Variants in LRP5 observed in about 807,000 individuals in gnomAD.
LRP5 encodes low-density lipoprotein receptor-related protein 5.
Under a neutral mutation model 154.1 loss-of-function variants are expected in LRP5, and 62 were observed. The observed-to-expected ratio is 0.40, with a 90% CI of 0.33 to 0.50. The LOEUF (loss-of-function observed/expected upper bound fraction) is 0.50. Among genes scored for constraint, LRP5 ranks in the 20% least tolerant of loss-of-function variants. The probability of loss-of-function intolerance (pLI) is 0.55; values close to 1 mark genes in which losing one functional copy is unlikely to be tolerated. For synonymous variants in LRP5, 966 were observed against 1,011.5 expected (o/e 0.96, Z 0.85); for missense variants, 1,915 against 2,336.7 (o/e 0.82, Z 3.72).
At position 68,413,821 on chromosome 11, in the gene LRP5, G is replaced by A. The variant is rs1565091876; in HGVS notation, c.2636G>A (p.Arg879His). Residue 879 changes from arginine (R) to histidine (H), a missense_variant, in exon 12 of 23, where the codon CGC becomes CAC. By Grantham distance (29) the Arg-to-His change is conservative. Coordinates refer to ENST00000294304, the MANE Select transcript of LRP5 (RefSeq NM_002335.4). The surrounding 1 kb of genome is among the most constrained non-coding windows in gnomAD (Gnocchi z 5.1). The stretch of plus-strand genomic sequence containing the variant: ...GCCGACAAGACTAGCGGCCGGAACC[G>A]CACCCTCATCCAGGGCCACCTGGAC... ...ERADKTSGRN[R>H]TLIQGHLDFV... 1.9e-6 allele frequency: 3 copies of A among 1,613,626 alleles called. No homozygotes were observed. The highest frequency in any genetic ancestry group is 2.2e-5 in the East Asian group (1 of 44,884).
intron 5 of LRP5, among the ~76,000 whole-genome samples, chr11:68,369,890 C>T (rs1400051398): frequency 2.0e-5 from 3 of 152,140 alleles, no homozygotes; most frequent in African/African-American, 4.8e-5. Flanking sequence ...GTGACGGAGC[C>T]GTGCTGGGTG....
intron 14 of LRP5, among the ~76,000 whole-genome samples, chr11:68,424,848 C>T (rs997197996): frequency 1.3e-5 from 2 of 152,250 alleles, no homozygotes; most frequent in Non-Finnish European, 2.9e-5. Flanking sequence ...GGCCTACCCT[C>T]ACCCATTGTG....
chr11:68,448,881 C>T lies in LRP5; in HGVS notation c.4659C>T (p.Ser1553=), dbSNP rs112415702. 1.6e-5 allele frequency: 26 copies of T among 1,613,022 alleles called. No individual in the cohort carries two copies. Among genetic ancestry groups the T allele is most frequent in the Admixed American group, 3.3e-5 (2 of 59,996 alleles). ...CSTDVCDSDY[S]ASRWKASKYY... is the part of the protein sequence containing the mutation. ...CCGACGTGTGTGACAGCGACTACAG[C>T]GCCAGCCGCTGGAAGGCCAGCAAGT... The change falls in exon 23 of 23, where the codon AGC becomes AGT. Residue 1553 remains serine (S), a synonymous_variant. Coordinates refer to ENST00000294304, the MANE Select transcript of LRP5 (RefSeq NM_002335.4).
rs368197922 is a variant in LRP5 at position 68,339,579 on chromosome 11, C to T, written c.92-8268C>T. 7.9e-5 allele frequency among the ~76,000 whole-genome samples: 12 copies of T among 152,254 alleles called. No individual in the cohort carries two copies. In the East Asian group the frequency reaches 2.3e-3, roughly 29 times the overall value. Reference sequence around the variant, plus strand: ...GCCAGGCTGGTCTCGAACTCCTTACCTCGTGATCCGCCCGCCTCAGCCTCC... The same window carrying T: ...GCCAGGCTGGTCTCGAACTCCTTACTTCGTGATCCGCCCGCCTCAGCCTCC... On this transcript the variant is annotated intron_variant, in intron 1 of 22. Transcript: ENST00000294304.
At chr11:68,436,761 C>A in intron 18 of LRP5, 128 bp from the exon 19 acceptor site, 1 of 693,458 alleles carries the variant, frequency 1.4e-6, no homozygotes, top group East Asian at 2.7e-5. Flanking sequence ...AGACCACTCC[C>A]CGCTGGTCCT....
chr11:68,426,940 C>A (rs1242570756), intron 16 of LRP5, among the ~76,000 whole-genome samples: 1 of 152,130 alleles, frequency 6.6e-6, no homozygotes, highest in Non-Finnish European at 1.5e-5. Flanking sequence ...GGTCGGGGAC[C>A]ACTCTCAGCT....
At chr11:68,365,807 G>T in intron 5 of LRP5, 105 bp downstream of exon 5, 1 of 1,175,640 alleles carries the variant, frequency 8.5e-7, no homozygotes, top group South Asian at 1.5e-5. Context: ...AAACCCGTTC[G>T]AAATGATCCA....
At chr11:68,307,211 C>T in the LRP5 span, among the ~76,000 whole-genome samples, 4 of 152,068 alleles carry the variant, frequency 2.6e-5, no homozygotes, top group South Asian at 2.1e-4. Context: ...AAGGCTTATG[C>T]TTATAATCCC....
At chr11:68,441,426 G>A (rs2098678155) in intron 21 of LRP5, among the ~76,000 whole-genome samples, 1 of 152,246 alleles carries the variant, frequency 6.6e-6, no homozygotes, top group Non-Finnish European at 1.5e-5. Flanking sequence ...CCCTGGGAAG[G>A]AAGTAGCAGA....
chr11:68,376,487 C>T (rs1335187353), intron 5 of LRP5, among the ~76,000 whole-genome samples: 3 of 152,138 alleles, frequency 2.0e-5, no homozygotes, highest in Non-Finnish European at 2.9e-5. Context: ...CCTGGCCGGC[C>T]CTACTTCTTA....
At chr11:68,341,313 C>T (rs547677997) in intron 1 of LRP5, among the ~76,000 whole-genome samples, 7 of 151,904 alleles carry the variant, frequency 4.6e-5, no homozygotes, top group South Asian at 4.2e-4. Context: ...TGATGGTGGC[C>T]GGGCCCAGCT....
rs1191325399 is a variant in LRP5 at position 68,443,567 on chromosome 11, ATATATATATATATATATATTTT to A, written c.4489-2867_4489-2846del. On this transcript the variant is annotated intron_variant, in intron 21 of 22. Coordinates refer to ENST00000294304, the MANE Select transcript of LRP5 (RefSeq NM_002335.4). ...GGCATATATATATATATATATATAT[ATATATATATATATATATATTTT>A]TTTTTTTTTTGGTTATGTTCAGAAA... Among the ~76,000 whole-genome samples, 77 of 37,052 alleles carry A rather than the reference ATATATATATATATATATATTTT, an allele frequency of 2.1e-3. 4 individuals are homozygous for A. The highest frequency in any genetic ancestry group is 4.5e-3 in the Admixed American group (15 of 3,318). 24.3% of individuals were successfully genotyped at this position (37,052 alleles called of 152,430 possible).
At position 68,365,681 on chromosome 11, in the gene LRP5, A is replaced by G. The variant is rs1180705454; in HGVS notation, c.994A>G (p.Asn332Asp). 7.2e-7 allele frequency: 1 copy of G among 1,385,184 alleles called. No homozygotes were observed. Among genetic ancestry groups the G allele is most frequent in the Admixed American group, 1.9e-5 (1 of 51,864 alleles). 85.8% of individuals were successfully genotyped at this position (1,385,184 alleles called of 1,614,324 possible). Residue 332 changes from asparagine to aspartate, a missense_variant, in exon 5 of 23, where the codon AAC (asparagine) becomes GAC (aspartate). Asn to Asp is a conservative substitution (Grantham distance 23, BLOSUM62 1). This residue lies in a region of LRP5 where 773 missense variants were observed against 1,100.9 expected (regional missense o/e 0.70). Transcript: ENST00000294304. ...CCCCACGGGTGTGCAGCTGCAGGAC[A>G]ACGGCAGGACGTGTAAGGCAGGTGA... Reference protein sequence around the residue: ...ACPTGVQLQDNGRTCKAGAEE... With the variant: ...ACPTGVQLQDDGRTCKAGAEE...
intron 21 of LRP5, among the ~76,000 whole-genome samples, chr11:68,443,211 A>G (rs535451541): frequency 6.6e-6 from 1 of 152,088 alleles, no homozygotes; most frequent in Admixed American, 6.6e-5. Context: ...TGTGTGTTTA[A>G]GAACCTTTGG....
upstream of LRP5, among the ~76,000 whole-genome samples, chr11:68,311,786 C>T (rs534606570): frequency 8.5e-5 from 13 of 152,158 alleles, no homozygotes; most frequent in African/African-American, 2.4e-4. Flanking sequence ...TACTTAGACC[C>T]GCCAAGGGCA....
At chr11:68,309,618 A>G (rs1434507087), upstream of LRP5, among the ~76,000 whole-genome samples, 1 of 134,446 alleles carries the variant, frequency 7.4e-6, no homozygotes, top group African/African-American at 2.8e-5. Flanking sequence ...TACATTTTCT[A>G]TGTAATCATT....
chr11:68,382,213 T>C (rs1174101440), intron 5 of LRP5, among the ~76,000 whole-genome samples: 1 of 152,192 alleles, frequency 6.6e-6, no homozygotes, highest in Non-Finnish European at 1.5e-5. Context: ...TTTGATTTAC[T>C]CCTAAGTAAT....
rs545586907 is a variant in LRP5 at position 68,448,977 on chromosome 11, G to T, written c.4755G>T (p.Ser1585=). 1.9e-6 allele frequency: 3 copies of T among 1,609,994 alleles called. No homozygotes were observed. The South Asian group carries it at 3.3e-5, about 18-fold the overall frequency. The change falls in exon 23 of 23, where the codon TCG becomes TCT. Residue 1585 remains serine, a synonymous_variant. Transcript: ENST00000294304. The part of the protein sequence containing the change: ...PPPTPHSQYL[S]AEDSCPPSPA... Reference sequence around the variant, plus strand: ...CCACGCCCCACAGCCAGTACCTGTCGGCGGAGGACAGCTGCCCGCCCTCGC... The same window carrying T: ...CCACGCCCCACAGCCAGTACCTGTCTGCGGAGGACAGCTGCCCGCCCTCGC...
chr11:68,332,092 C>G (rs565198297), intron 1 of LRP5, among the ~76,000 whole-genome samples: 1 of 152,230 alleles, frequency 6.6e-6, no homozygotes, highest in South Asian at 2.1e-4. Context: ...AGGCCCCACT[C>G]TCCCGCCTTC....
Sources: gnomAD v4.1 joint callset for allele counts (sites outside exome capture counted in the v4.1 genomes callset) on GRCh38, gnomAD v4.1.1 for gene constraint, gnomAD v4.1.1 regional missense constraint, Gnocchi (gnomAD v3.1) non-coding constraint, MANE v1.5 for transcripts, NCBI Gene and HGNC (gene_info 2026-07-23, HGNC 2026-07-21) for gene names.